The following DCDC2C variants were observed in gnomAD, a reference collection of about 807,000 sequenced individuals.
The protein encoded by DCDC2C is doublecortin domain containing 2C.
Under a neutral mutation model 45.0 loss-of-function variants are expected in DCDC2C, and 44 were observed. That is an observed-to-expected ratio of 0.98 (90% CI 0.77 to 1.26). The LOEUF (loss-of-function observed/expected upper bound fraction) is 1.26, where lower values mean the gene tolerates loss of function less well. Among genes scored for constraint, DCDC2C ranks in the 50% most tolerant of loss-of-function variants. The pLI is 0.00. For missense variants in DCDC2C, 447 were observed against 468.9 expected (o/e 0.95, Z 0.43); for synonymous variants, 187 against 178.8 (o/e 1.05, Z -0.37).
chr2:3,750,887 CTCT>C (rs1475694668), intron 4 of DCDC2C, among the ~76,000 whole-genome samples: 1 of 152,168 alleles, frequency 6.6e-6, no homozygotes, highest in Non-Finnish European at 1.5e-5. Flanking sequence ...CATCTCTCAG[CTCT>C]TCTTCTGCAG....
intron 6 of DCDC2C, among the ~76,000 whole-genome samples, chr2:3,767,056 C>G (rs1050275883): frequency 6.6e-6 from 1 of 152,214 alleles, no homozygotes; most frequent in Non-Finnish European, 1.5e-5. Flanking sequence ...GTAAGTGTTG[C>G]GAGCGTGTTT....
intron 6 of DCDC2C, among the ~76,000 whole-genome samples, chr2:3,764,182 A>T (rs932365705): frequency 6.6e-6 from 1 of 152,232 alleles, no homozygotes; most frequent in African/African-American, 2.4e-5. Flanking sequence ...AACTGCTTTG[A>T]GACTCCACGT....
intron 3 of DCDC2C, among the ~76,000 whole-genome samples, chr2:3,735,102 G>C (rs990910769): frequency 6.6e-6 from 1 of 152,106 alleles, no homozygotes; most frequent in Non-Finnish European, 1.5e-5. Flanking sequence ...CTGTGACCAA[G>C]ATATCATAGC....
At chr2:3,708,043 T>C (rs938789712) in intron 1 of DCDC2C, among the ~76,000 whole-genome samples, 1 of 152,186 alleles carries the variant, frequency 6.6e-6, no homozygotes, top group African/African-American at 2.4e-5. Flanking sequence ...TTAGTAGGGC[T>C]CAGACACATT....
At chr2:3,759,552 C>T (rs1572593883) in intron 6 of DCDC2C, among the ~76,000 whole-genome samples, 1 of 152,038 alleles carries the variant, frequency 6.6e-6, no homozygotes, top group South Asian at 2.1e-4. Context: ...AAGTCAAGAC[C>T]GACCTCAGGA....
intron 2 of DCDC2C, among the ~76,000 whole-genome samples, chr2:3,711,720 G>A (rs1447695605): frequency 7.3e-6 from 1 of 136,758 alleles, no homozygotes; most frequent in East Asian, 1.9e-4. Context: ...AAACAGTGAT[G>A]TAATGTAATG....
chr2:3,822,588 A>C (rs1671719955), intron 10 of DCDC2C, among the ~76,000 whole-genome samples: 1 of 136,442 alleles, frequency 7.3e-6, no homozygotes, highest in Admixed American at 7.2e-5. Flanking sequence ...GTTTCACTGA[A>C]TTTTCTCTAG....
chr2:3,759,876 G>T (rs549115437), intron 6 of DCDC2C, among the ~76,000 whole-genome samples: 8 of 152,318 alleles, frequency 5.3e-5, no homozygotes, highest in African/African-American at 1.9e-4. Context: ...TGTGAAGTAG[G>T]TGACATCTCA....
chr2:3,791,615 C>T (rs1234030678), intron 10 of DCDC2C, among the ~76,000 whole-genome samples: 6 of 152,186 alleles, frequency 3.9e-5, no homozygotes, highest in Admixed American at 3.9e-4. Flanking sequence ...AGGCTGAGGA[C>T]TCAAATTCTC....
At chr2:3,834,632 A>C (rs1672031568) in intron 10 of DCDC2C, among the ~76,000 whole-genome samples, 2 of 152,228 alleles carry the variant, frequency 1.3e-5, no homozygotes, top group Non-Finnish European at 2.9e-5. Context: ...GAGCTCACTC[A>C]GTTTTCCATG....
At chr2:3,787,263 A>G (rs1403967132) in intron 10 of DCDC2C, among the ~76,000 whole-genome samples, 1 of 152,268 alleles carries the variant, frequency 6.6e-6, no homozygotes, top group Non-Finnish European at 1.5e-5. Context: ...TGTAATGAAA[A>G]GAATGCAAAT....
chr2:3,783,815 G>A (rs1274826887), intron 9 of DCDC2C, among the ~76,000 whole-genome samples: 2 of 152,180 alleles, frequency 1.3e-5, no homozygotes, highest in African/African-American at 4.8e-5. Context: ...AGTCTCAAAA[G>A]GCTAAATCAG....
intron 6 of DCDC2C, among the ~76,000 whole-genome samples, chr2:3,759,099 C>T (rs927039421): frequency 1.3e-5 from 2 of 152,166 alleles, no homozygotes; most frequent in Non-Finnish European, 2.9e-5. Flanking sequence ...CCAAAATGTG[C>T]AGTTCAGGTA....
chr2:3,804,051 A>G lies in DCDC2C; in HGVS notation c.1065+18951A>G, dbSNP rs1671174459. Among the ~76,000 whole-genome samples, 3 of 152,212 alleles carry G rather than the reference A, an allele frequency of 2.0e-5. No homozygotes were observed. The South Asian group carries it at 6.2e-4, about 32-fold the overall frequency. On this transcript the variant is annotated intron_variant, in intron 10 of 10. Coordinates refer to ENST00000399143, the MANE Select transcript of DCDC2C (RefSeq NM_001287444.2). ...TGAAAAACTTGGTCTGTATTAACAT[A>G]ATTGGAGGTATGTGTTTACAATTTA...
At position 3,777,053 on chromosome 2, in the gene DCDC2C, T is replaced by G. The variant is rs140236961; in HGVS notation, c.955-1763T>G. ...GGTCCCACTTAGCATCCTCTTTTGG[T>G]TAGATTGCTGCTGTCACTCCTGCTT... On this transcript the variant is annotated intron_variant, in intron 8 of 10. Coordinates refer to ENST00000399143, the MANE Select transcript of DCDC2C (RefSeq NM_001287444.2). Among the ~76,000 whole-genome samples the G allele has an allele frequency of 6.3e-3, 964 of 152,292 alleles. 10 individuals are homozygous for G. Among genetic ancestry groups the G allele is most frequent in the African/African-American group, 0.022 (923 of 41,542 alleles).
intron 4 of DCDC2C, among the ~76,000 whole-genome samples, chr2:3,750,245 C>T (rs903434972): frequency 1.3e-5 from 2 of 152,262 alleles, no homozygotes. Flanking sequence ...CAGCCCCTAT[C>T]GCATGGCTAT....
At chr2:3,769,276 G>A (rs1670096916) in intron 7 of DCDC2C, 35 bp from the exon 8 acceptor site, 1 of 1,537,170 alleles carries the variant, frequency 6.5e-7, no homozygotes. Context: ...CTTCTCCATG[G>A]GTTTCAAAAG....
At chr2:3,837,622 A>ATACAGTATCAAGAGAGGCTAT (rs1558249632) in intron 10 of DCDC2C, among the ~76,000 whole-genome samples, 1 of 124,482 alleles carries the variant, frequency 8.0e-6, no homozygotes, top group African/African-American at 2.8e-5. Context: ...GAAACTGAGG[A>ATACAGTATCAAGAGAGGCTAT]AGAAATCAGC....
chr2:3,837,613 A>T (rs1360162768), intron 10 of DCDC2C, among the ~76,000 whole-genome samples: 3 of 101,890 alleles, frequency 2.9e-5, no homozygotes, highest in African/African-American at 3.3e-5. Flanking sequence ...AAAGGGGAAG[A>T]AACTGAGGAA....
Sources: gnomAD v4.1 joint callset for allele counts (sites outside exome capture counted in the v4.1 genomes callset) on GRCh38, gnomAD v4.1.1 for gene constraint, MANE v1.5 for transcripts, NCBI Gene and HGNC (gene_info 2026-07-23, HGNC 2026-07-21) for gene names.